ZNF804B: variants seen among roughly 807,000 people sequenced by gnomAD.
ZNF804B encodes zinc finger protein 804B, also known as zinc finger 804B.
Under a neutral mutation model 101.4 loss-of-function variants are expected in ZNF804B, and 80 were observed. The ratio of observed to expected loss-of-function variants is 0.79; its 90% confidence interval spans 0.66 to 0.95. ZNF804B has a LOEUF of 0.95. Among genes scored for constraint, ZNF804B ranks in the 40% least tolerant of loss-of-function variants. ZNF804B has a pLI of 0.00. For missense variants in ZNF804B, 1,673 were observed against 1,561.9 expected (o/e 1.07, Z -1.20); for synonymous variants, 622 against 558.8 (o/e 1.11, Z -1.59).
chr7:89,037,674 T>A (rs1380409963), intron 1 of ZNF804B, among the ~76,000 whole-genome samples: 1 of 151,916 alleles, frequency 6.6e-6, no homozygotes, highest in Non-Finnish European at 1.5e-5. Context: ...ATCATTTAAG[T>A]TCTACTCTCT....
At position 88,813,066 on chromosome 7, in the gene ZNF804B, T is replaced by C. The variant is rs186236831; in HGVS notation, c.108+52982T>C. 4.3e-3 allele frequency among the ~76,000 whole-genome samples: 662 copies of C among 152,274 alleles called. 3 individuals are homozygous for C. The highest frequency in any genetic ancestry group is 0.015 in the African/African-American group (630 of 41,554). ...GGTTTTTACCACAATTAAAAAATGG[T>C]GAATTACATGTAATGTCAATTATAT... On this transcript the variant is annotated intron_variant, in intron 1 of 3. Transcript: ENST00000333190.
intron 1 of ZNF804B, among the ~76,000 whole-genome samples, chr7:88,980,583 T>C (rs1420316562): frequency 6.6e-6 from 1 of 152,124 alleles, no homozygotes; most frequent in Non-Finnish European, 1.5e-5. Flanking sequence ...TTAACCATCT[T>C]TGTTTTCTTG....
At chr7:88,895,021 T>G (rs1332091283) in intron 1 of ZNF804B, among the ~76,000 whole-genome samples, 1 of 152,176 alleles carries the variant, frequency 6.6e-6, no homozygotes, top group East Asian at 1.9e-4. Context: ...CCTAATAAAG[T>G]GCAAAATGAC....
chr7:88,892,184 G>A (rs993761948), intron 1 of ZNF804B, among the ~76,000 whole-genome samples: 10 of 152,112 alleles, frequency 6.6e-5, no homozygotes, highest in African/African-American at 2.4e-4. Flanking sequence ...AATACAGTAA[G>A]TGTGTATTTA....
rs148254651 is a variant in ZNF804B, at chr7:89,262,440, G to A, written c.249+44145G>A. Among the ~76,000 whole-genome samples, 630 of 152,262 alleles carry A rather than the reference G, an allele frequency of 4.1e-3. 5 individuals carry two copies. Among genetic ancestry groups the A allele is most frequent in the African/African-American group, 0.014 (602 of 41,556 alleles). On this transcript the variant is annotated intron_variant, in intron 2 of 3. Transcript: ENST00000333190. ...TTATTAGCTATATGACCATGGGTAA[G>A]TTAATTACTTTCTCTTCCTCAAAGG...
intron 2 of ZNF804B, among the ~76,000 whole-genome samples, chr7:89,312,275 C>G (rs1366944810): frequency 6.6e-6 from 1 of 152,164 alleles, no homozygotes; most frequent in Non-Finnish European, 1.5e-5. Flanking sequence ...TGTATCGCTC[C>G]AGAACATTGG....
At chr7:88,995,481 A>G (rs1034166019) in intron 1 of ZNF804B, among the ~76,000 whole-genome samples, 3 of 152,060 alleles carry the variant, frequency 2.0e-5, no homozygotes, top group African/African-American at 4.8e-5. Context: ...AAAAGTATGC[A>G]TCTGACTCAA....
At chr7:88,826,451 T>G (rs1263710183) in intron 1 of ZNF804B, among the ~76,000 whole-genome samples, 1 of 152,148 alleles carries the variant, frequency 6.6e-6, no homozygotes, top group Non-Finnish European at 1.5e-5. Context: ...GCTTCTCATT[T>G]ATTGTATACA....
chr7:89,007,233 T>C (rs1257409609), intron 1 of ZNF804B, among the ~76,000 whole-genome samples: 1 of 151,860 alleles, frequency 6.6e-6, no homozygotes, highest in East Asian at 1.9e-4. Flanking sequence ...CTACCTACGC[T>C]AAATGAGATT....
At chr7:88,766,679 C>T (rs544979986) in intron 1 of ZNF804B, among the ~76,000 whole-genome samples, 3 of 152,254 alleles carry the variant, frequency 2.0e-5, no homozygotes, top group African/African-American at 2.4e-5. Context: ...CAATGACTCT[C>T]GTTATTTTTA....
chr7:88,781,463 A>G (rs775721853), intron 1 of ZNF804B, among the ~76,000 whole-genome samples: 28 of 152,186 alleles, frequency 1.8e-4, no homozygotes, highest in Non-Finnish European at 3.5e-4. Context: ...TTGGTCTAAC[A>G]TTCTTGAGGT....
intron 1 of ZNF804B, among the ~76,000 whole-genome samples, chr7:88,791,950 C>G (rs893967242): frequency 6.6e-6 from 1 of 151,902 alleles, no homozygotes; most frequent in Non-Finnish European, 1.5e-5. Context: ...TTACTGGAAG[C>G]CTGGGGTCTG....
At chr7:88,773,690 T>C (rs956026385) in intron 1 of ZNF804B, among the ~76,000 whole-genome samples, 5 of 152,048 alleles carry the variant, frequency 3.3e-5, no homozygotes, top group Non-Finnish European at 5.9e-5. Context: ...GCTTTACAGG[T>C]AGCATGGTGC....
intron 1 of ZNF804B, among the ~76,000 whole-genome samples, chr7:89,149,806 A>T (rs1790844215): frequency 6.7e-6 from 1 of 149,978 alleles, no homozygotes; most frequent in South Asian, 2.1e-4. Context: ...TTTTGCAGGG[A>T]TTCCTAAAAT....
rs550051674 is a variant in ZNF804B, at chr7:89,235,463, G to A, written c.249+17168G>A. 1.2e-4 allele frequency among the ~76,000 whole-genome samples: 19 copies of A among 152,280 alleles called. No individual in the cohort carries two copies. In the South Asian group the frequency reaches 3.9e-3, roughly 32 times the overall value. ...GACTAAATCCATATCAAAAATCTGA[G>A]TTACCCTCCACTTAAAATAATTCCA... On this transcript the variant is annotated intron_variant, in intron 2 of 3. Transcript: ENST00000333190.
chr7:88,760,938 A>G (rs1213635689), intron 1 of ZNF804B, among the ~76,000 whole-genome samples: 2 of 145,334 alleles, frequency 1.4e-5, no homozygotes, highest in Non-Finnish European at 3.0e-5. Flanking sequence ...ATAAATATAT[A>G]TATATATTAG....
At chr7:88,833,917 A>G (rs542238279) in intron 1 of ZNF804B, among the ~76,000 whole-genome samples, 18 of 151,988 alleles carry the variant, frequency 1.2e-4, no homozygotes, top group African/African-American at 4.3e-4. Context: ...CAGAAACACT[A>G]TTCAGAAAAT....
At chr7:89,324,638 A>G (rs994310247) in intron 2 of ZNF804B, among the ~76,000 whole-genome samples, 2 of 102,544 alleles carry the variant, frequency 2.0e-5, no homozygotes, top group African/African-American at 7.6e-5. Context: ...ATTTTCTTGC[A>G]CTGAGTACAT....
intron 1 of ZNF804B, among the ~76,000 whole-genome samples, chr7:89,067,726 T>C (rs780015845): frequency 6.6e-6 from 1 of 152,194 alleles, no homozygotes; most frequent in Non-Finnish European, 1.5e-5. Context: ...CCACAGGGGC[T>C]GTGAAGTCAA....
Sources: gnomAD v4.1 joint callset for allele counts (sites outside exome capture counted in the v4.1 genomes callset) on GRCh38, gnomAD v4.1.1 for gene constraint, MANE v1.5 for transcripts, NCBI Gene and HGNC (gene_info 2026-07-23, HGNC 2026-07-21) for gene names.